The following TNRC6C variants were observed in gnomAD, a reference collection of about 807,000 sequenced individuals.
TNRC6C encodes the protein trinucleotide repeat containing adaptor 6C.
TNRC6C carries 20 observed loss-of-function variants against 153.7 expected under a neutral mutation model. The observed-to-expected ratio is 0.13, with a 90% confidence interval of 0.09 to 0.19. The LOEUF (loss-of-function observed/expected upper bound fraction) is 0.19. Ranked by LOEUF, TNRC6C falls within the 10% of genes least tolerant of loss-of-function variation. TNRC6C has a pLI of 1.00. For synonymous variants in TNRC6C, 811 were observed against 841.4 expected (o/e 0.96, Z 0.63); for missense variants, 1,987 against 2,172.0 (o/e 0.91, Z 1.69).
In TNRC6C at chr17:78,101,478, C is replaced by T. The variant is rs148337859; in HGVS notation, c.4502-996C>T. On this transcript the variant is annotated intron_variant, in intron 17 of 19. Transcript: ENST00000301624. ...TGTTACCCAGTTCCAAAGTTGCTTCCGTGCCAAGACCAGCTTGATCAGGGA... is the reference window on the plus strand; with the variant it reads ...TGTTACCCAGTTCCAAAGTTGCTTCTGTGCCAAGACCAGCTTGATCAGGGA... 9.5e-3 allele frequency among the ~76,000 whole-genome samples: 1,439 copies of T among 152,260 alleles called. 15 individuals carry two copies. Among genetic ancestry groups the T allele is most frequent in the South Asian group, 0.037 (180 of 4,824 alleles).
chr17:77,961,157 CTT>C (rs1219661580), intron 1 of TNRC6C, among the ~76,000 whole-genome samples: 30 of 136,408 alleles, frequency 2.2e-4, no homozygotes, highest in Admixed American at 2.9e-4. Context: ...CTCGGTTTTA[CTT>C]TTTTTTTTTT....
Position 78,104,604 on chromosome 17 carries a change from C to A in TNRC6C, c.4832C>A (p.Ser1611Tyr). The stretch of plus-strand genomic sequence containing the variant: ...TCCAGCTGGCAGTCCAGCAGCGCGT[C>A]CAGCCAGCCGCGGCTCAGCGCAGCG... The change falls in exon 20 of 20, where the codon TCC becomes TAC. Residue 1611 changes from serine (S) to tyrosine (Y), a missense_variant. This residue lies in a region of TNRC6C where 139 missense variants were observed against 148.5 expected (regional missense o/e 0.94). Transcript: ENST00000301624. The surrounding 1 kb of genome is among the most constrained non-coding windows in gnomAD (Gnocchi z 6.2). The A allele has an allele frequency of 6.4e-7, 1 of 1,552,204 alleles. No individual in the cohort carries two copies. The highest frequency in any genetic ancestry group is 2.4e-5 in the East Asian group (1 of 41,034).
chr17:78,104,780 A>G lies in TNRC6C; in HGVS notation c.5008A>G (p.Ile1670Val). Residue 1670 changes from isoleucine (I) to valine (V), a missense_variant, in exon 20 of 20, where the codon ATA (isoleucine) becomes GTA (valine). Around this residue, in one of 4 missense-constraint regions of TNRC6C, gnomAD observed 139 missense variants for 148.5 expected, o/e 0.94. Coordinates refer to ENST00000301624, the Ensembl canonical transcript of TNRC6C. The surrounding 1 kb of genome is among the most constrained non-coding windows in gnomAD (Gnocchi z 6.2). ...GCCCAGCGCCGACGACAGCAGGGTG[A>G]TAGGCAGCCCCACGCCGCTAACCAC... is the stretch of plus-strand genomic sequence containing the variant. The G allele has an allele frequency of 6.8e-7, 1 of 1,470,186 alleles. No individual in the cohort carries two copies. The highest frequency in any genetic ancestry group is 9.0e-7 in the Non-Finnish European group (1 of 1,110,292). 91.1% of individuals were successfully genotyped at this position (1,470,186 alleles called of 1,614,324 possible).
intron 11 of TNRC6C, among the ~76,000 whole-genome samples, chr17:78,085,842 GT>G (rs11351810): frequency 0.23 from 32,840 of 142,522 alleles, 4,267 homozygotes; most frequent in East Asian, 0.38. Context: ...TTGGTTTTTT[GT>G]TTTTTTTTTT....
chr17:78,035,978 A>G (rs899705110), intron 2 of TNRC6C, among the ~76,000 whole-genome samples: 2 of 152,176 alleles, frequency 1.3e-5, no homozygotes, highest in African/African-American at 4.8e-5. Context: ...ACATTAAAAC[A>G]AAAAAACAGA....
intron 1 of TNRC6C, among the ~76,000 whole-genome samples, chr17:77,989,745 GAT>G (rs1203032021): frequency 6.6e-6 from 1 of 152,098 alleles, no homozygotes; most frequent in African/African-American, 2.4e-5. Flanking sequence ...ATTAATAAAT[GAT>G]GCCCAAATAA....
intron 10 of TNRC6C, among the ~76,000 whole-genome samples, chr17:78,082,695 G>A (rs1024224994): frequency 1.3e-5 from 2 of 152,126 alleles, no homozygotes; most frequent in African/African-American, 4.8e-5. Flanking sequence ...TCTCCCCAAG[G>A]GTCGCATTCC....
chr17:78,093,245 A>G (rs2073424845), intron 15 of TNRC6C, 121 bp downstream of exon 17: 20 of 1,128,266 alleles, frequency 1.8e-5, no homozygotes, highest in Non-Finnish European at 2.5e-5. Flanking sequence ...CGTTAAGCCC[A>G]GAGCTTTGGC....
chr17:77,980,967 T>C (rs559904236), intron 1 of TNRC6C, among the ~76,000 whole-genome samples: 1 of 152,164 alleles, frequency 6.6e-6, no homozygotes, highest in African/African-American at 2.4e-5. Context: ...TTGTTTTGTT[T>C]TGTTATGTTT....
chr17:78,091,470 G>A, exon 14 of TNRC6C: 1 of 1,604,316 alleles, frequency 6.2e-7, no homozygotes, highest in Non-Finnish European at 8.5e-7. Context: ...AATGTCAACA[G>A]CATGGACATG....
intron 6 of TNRC6C, among the ~76,000 whole-genome samples, chr17:78,071,559 T>C (rs2072997351): frequency 6.6e-6 from 1 of 152,074 alleles, no homozygotes; most frequent in Non-Finnish European, 1.5e-5. Context: ...GGCTAATTTT[T>C]GTATTTTTGG....
At chr17:78,039,013 A>T (rs1314259089) in intron 2 of TNRC6C, among the ~76,000 whole-genome samples, 15 of 152,180 alleles carry the variant, frequency 9.9e-5, no homozygotes, top group Admixed American at 9.8e-4. Flanking sequence ...ATGACGTAGT[A>T]CATCCTGCAG....
chr17:78,105,097 G>T (rs1193614492), exon 20 of TNRC6C: 2 of 398,006 alleles, frequency 5.0e-6, no homozygotes, highest in East Asian at 7.5e-5. Context: ...TGTTTGTATA[G>T]TGTGTTGTCA....
At chr17:77,983,297 A>C (rs1598648122) in intron 1 of TNRC6C, among the ~76,000 whole-genome samples, 1 of 152,326 alleles carries the variant, frequency 6.6e-6, no homozygotes, top group East Asian at 1.9e-4. Flanking sequence ...TTGAATTGAA[A>C]GATGAGGCTA....
chr17:78,031,660 C>G (rs1344049696), exon 2 of TNRC6C: 15 of 1,232,354 alleles, frequency 1.2e-5, no homozygotes, highest in African/African-American at 1.6e-5. Flanking sequence ...CGTTACCTGC[C>G]TCGTGAGGTG....
At chr17:78,024,440 C>G (rs915687135) in intron 1 of TNRC6C, among the ~76,000 whole-genome samples, 17 of 151,938 alleles carry the variant, frequency 1.1e-4, no homozygotes, top group African/African-American at 4.1e-4. Context: ...GATCTTGGCT[C>G]ACTGCAAGCT....
chr17:78,063,410 C>G (rs767900105), intron 3 of TNRC6C, among the ~76,000 whole-genome samples: 3 of 151,848 alleles, frequency 2.0e-5, no homozygotes, highest in Non-Finnish European at 4.4e-5. Context: ...AGGGCTTGGT[C>G]TTGCTGTCTC....
chr17:78,045,739 G>A (rs1037426494), intron 2 of TNRC6C, among the ~76,000 whole-genome samples: 1 of 152,144 alleles, frequency 6.6e-6, no homozygotes, highest in African/African-American at 2.4e-5. Flanking sequence ...ACTTAATTCA[G>A]GGATCAGATG....
upstream of TNRC6C, among the ~76,000 whole-genome samples, chr17:78,003,501 T>C (rs1173273957): frequency 5.3e-5 from 8 of 152,062 alleles, no homozygotes. Context: ...AAAAACTCAG[T>C]AGAAGGATTA....
Sources: allele counts gnomAD v4.1 joint callset (sites outside exome capture counted in the v4.1 genomes callset), GRCh38; gene constraint gnomAD v4.1.1; regional missense constraint gnomAD v4.1.1; non-coding constraint Gnocchi (gnomAD v3.1); transcripts MANE v1.5; gene names NCBI Gene and HGNC (gene_info 2026-07-23, HGNC 2026-07-21).